DOCK11: variants seen among roughly 807,000 people sequenced by gnomAD.
The protein encoded by DOCK11 is dedicator of cytokinesis 11.
Under a neutral mutation model 169.1 loss-of-function variants are expected in DOCK11, and 70 were observed. That is an observed-to-expected ratio of 0.41 (90% CI 0.34 to 0.51). The LOEUF is 0.51. Among genes scored for constraint, DOCK11 ranks in the 20% least tolerant of loss-of-function variants. The pLI, the probability that DOCK11 is intolerant of heterozygous loss-of-function variation, is 0.10. For missense variants in DOCK11, 1,166 were observed against 1,538.8 expected (o/e 0.76, Z 4.05); for synonymous variants, 529 against 541.3 (o/e 0.98, Z 0.32).
chrX:118,582,727 G>A (rs908699276), intron 14 of DOCK11, among the ~76,000 whole-genome samples: 1 of 111,728 alleles, frequency 9.0e-6, no homozygotes, highest in Non-Finnish European at 1.9e-5. Context: ...AAACCGCAAC[G>A]AGATACCATC....
At chrX:118,661,821 A>G (rs773353570) in intron 44 of DOCK11, among the ~76,000 whole-genome samples, 138 of 111,499 alleles carry the variant, frequency 1.2e-3, no homozygotes, top group Middle Eastern at 4.6e-3. Flanking sequence ...GACAGTAACA[A>G]TTTGGTCCAG....
chrX:118,525,639 C>A lies in DOCK11; in HGVS notation c.103-17086C>A, dbSNP rs185259394. Among the ~76,000 whole-genome samples, 7 of 110,821 alleles carry A rather than the reference C, an allele frequency of 6.3e-5. No individual in the cohort carries two copies. The East Asian group carries it at 1.1e-3, about 18-fold the overall frequency. On this transcript the variant is annotated intron_variant, in intron 1 of 52. Coordinates refer to ENST00000276202, the MANE Select transcript of DOCK11 (RefSeq NM_144658.4). ...CAGAGTAATGTGAATATAGTTAATGCCAAATGCAGACACTTATATAGTATA... is the reference window on the plus strand; with the variant it reads ...CAGAGTAATGTGAATATAGTTAATGACAAATGCAGACACTTATATAGTATA...
intron 1 of DOCK11, among the ~76,000 whole-genome samples, chrX:118,515,894 A>T (rs1341997475): frequency 3.9e-5 from 4 of 103,247 alleles, no homozygotes; most frequent in African/African-American, 1.1e-4. Context: ...TTATTTGTAA[A>T]CATTGGAAGA....
intron 1 of DOCK11, among the ~76,000 whole-genome samples, chrX:118,542,074 G>A (rs185799910): frequency 9.0e-6 from 1 of 111,623 alleles, no homozygotes; most frequent in Admixed American, 9.5e-5. Flanking sequence ...AATACCAACA[G>A]GCACACTTCC....
intron 1 of DOCK11, among the ~76,000 whole-genome samples, chrX:118,508,727 C>G (rs965087477): frequency 4.5e-5 from 5 of 112,111 alleles, no homozygotes; most frequent in Non-Finnish European, 9.4e-5. Context: ...TAACTTGACC[C>G]TGGGGAGACT....
intron 45 of DOCK11, among the ~76,000 whole-genome samples, chrX:118,670,552 A>T: frequency 1.8e-5 from 2 of 111,692 alleles, no homozygotes; most frequent in Admixed American, 1.9e-4. Flanking sequence ...TTAAAAAAAC[A>T]TCGAATCATT....
chrX:118,566,521 T>G (rs2013084523), intron 8 of DOCK11, 53 bp from the exon 9 acceptor site: 2 of 1,080,032 alleles, frequency 1.9e-6, no homozygotes, highest in South Asian at 4.0e-5. Flanking sequence ...TCCTCTTAGG[T>G]TATTAGTAAT....
At chrX:118,505,416 G>A (rs1473951118) in intron 1 of DOCK11, among the ~76,000 whole-genome samples, 2 of 112,325 alleles carry the variant, frequency 1.8e-5, no homozygotes, top group Admixed American at 9.4e-5. Flanking sequence ...CTGTTGGCTC[G>A]CATTATCATC....
At chrX:118,670,081 A>G (rs996107348) in intron 45 of DOCK11, among the ~76,000 whole-genome samples, 2 of 112,113 alleles carry the variant, frequency 1.8e-5, no homozygotes, top group Non-Finnish European at 3.8e-5. Flanking sequence ...TACAACTTCA[A>G]CTTATCTTTT....
chrX:118,584,771 G>A lies in DOCK11; in HGVS notation c.1632G>A (p.Leu544=). 3 of 1,195,840 alleles carry A rather than the reference G, an allele frequency of 2.5e-6. No homozygotes were observed. The highest frequency in any genetic ancestry group is 3.8e-5 in the South Asian group (2 of 53,069). The change falls in exon 15 of 53, where the codon CTG becomes CTA. Residue 544 remains leucine (L), a synonymous_variant. Coordinates refer to ENST00000276202, the MANE Select transcript of DOCK11 (RefSeq NM_144658.4). ...AAGATACTCAAGGCTCTCTTGATCTGGATGGGAGATTTTCTCCTCTGTATA... is the reference window on the plus strand; with the variant it reads ...AAGATACTCAAGGCTCTCTTGATCTAGATGGGAGATTTTCTCCTCTGTATA... ...IFKDTQGSLD[L]DGRFSPLYKQ... is the part of the protein sequence containing the mutation.
chrX:118,639,940 CATA>C (rs1247456998), intron 38 of DOCK11, among the ~76,000 whole-genome samples: 2 of 112,142 alleles, frequency 1.8e-5, no homozygotes, highest in Non-Finnish European at 1.9e-5. Context: ...TTGCTATTCT[CATA>C]ATATTTTTAT....
At chrX:118,607,462 C>G (rs2014559655) in intron 24 of DOCK11, among the ~76,000 whole-genome samples, 1 of 83,562 alleles carries the variant, frequency 1.2e-5, no homozygotes, top group African/African-American at 4.6e-5. Context: ...CGCTCTGTTG[C>G]CCAGGCTGGA....
At chrX:118,556,048 C>CTT (rs147701437) in intron 6 of DOCK11, among the ~76,000 whole-genome samples, 81 of 98,759 alleles carry the variant, frequency 8.2e-4, no homozygotes, top group South Asian at 2.8e-3. Context: ...TCTTTTCTTT[C>CTT]TTTTTTTTTT....
intron 28 of DOCK11, among the ~76,000 whole-genome samples, chrX:118,613,767 C>G (rs1050950395): frequency 1.8e-5 from 2 of 112,106 alleles, no homozygotes; most frequent in Non-Finnish European, 3.8e-5. Flanking sequence ...GGCTGTAGTG[C>G]GCTATGACTG....
chrX:118,512,930 C>A (rs2057659062), intron 1 of DOCK11, among the ~76,000 whole-genome samples: 2 of 112,057 alleles, frequency 1.8e-5, no homozygotes, highest in South Asian at 7.4e-4. Flanking sequence ...TGACTACATT[C>A]TCTTTCTTGC....
chrX:118,649,118 A>T lies in DOCK11; in HGVS notation c.4572A>T (p.Thr1524=). The T allele has an allele frequency of 1.7e-6, 2 of 1,194,779 alleles. No individual in the cohort carries two copies. The highest frequency in any genetic ancestry group is 2.3e-6 in the Non-Finnish European group (2 of 888,159). The change falls in exon 41 of 53, where the codon ACA becomes ACT. Residue 1524 remains threonine, a synonymous_variant. Coordinates refer to ENST00000276202, the MANE Select transcript of DOCK11 (RefSeq NM_144658.4). ...CCAAAAGGAAAACCTTTTTGAGGAC[A>T]CATCTACAGGTCAGTGAAAATAAAA... The part of the protein sequence containing the change: ...EYTKRKTFLR[T]HLQIIIAVSQ...
intron 20 of DOCK11, among the ~76,000 whole-genome samples, chrX:118,597,199 C>A (rs2014192767): frequency 9.0e-6 from 1 of 111,706 alleles, no homozygotes; most frequent in South Asian, 3.7e-4. Context: ...TTGCTGTTCC[C>A]ATTTTTATGG....
intron 9 of DOCK11, 31 bp downstream of exon 9, chrX:118,566,684 A>G: frequency 4.4e-6 from 5 of 1,129,509 alleles, no homozygotes; most frequent in Non-Finnish European, 6.0e-6. Flanking sequence ...CTTGCCTTCA[A>G]CTGAGATAAT....
intron 7 of DOCK11, among the ~76,000 whole-genome samples, chrX:118,565,567 A>T (rs1229690767): frequency 8.0e-5 from 9 of 111,973 alleles, no homozygotes; most frequent in African/African-American, 2.9e-4. Context: ...GTGAGATATA[A>T]ATTTATCAGA....
Sources: allele counts gnomAD v4.1 joint callset (sites outside exome capture counted in the v4.1 genomes callset), GRCh38; gene constraint gnomAD v4.1.1; transcripts MANE v1.5; gene names NCBI Gene and HGNC (gene_info 2026-07-23, HGNC 2026-07-21).